PCDHGA3: variants seen among roughly 807,000 people sequenced by gnomAD.
PCDHGA3 encodes the protein protocadherin gamma subfamily A, 3.
PCDHGA3 carries 40 observed loss-of-function variants against 58.5 expected under a neutral mutation model. The ratio of observed to expected loss-of-function variants is 0.68; its 90% CI spans 0.53 to 0.89. The LOEUF is 0.89. Ranked by LOEUF, PCDHGA3 falls within the 40% of genes least tolerant of loss-of-function variation. PCDHGA3 has a pLI of 0.00. For synonymous variants in PCDHGA3, 530 were observed against 525.7 expected (o/e 1.01, Z -0.11); for missense variants, 1,223 against 1,195.9 (o/e 1.02, Z -0.33).
In PCDHGA3 at chr5:141,489,185, T is replaced by G; in HGVS notation, c.2425-5622T>G. The G allele has an allele frequency of 7.8e-7, 1 of 1,286,838 alleles. No individual in the cohort carries two copies. The highest frequency in any genetic ancestry group is 1.5e-5 in the African/African-American group (1 of 67,216). 79.7% of individuals were successfully genotyped at this position (1,286,838 alleles called of 1,614,324 possible). On this transcript the variant is annotated intron_variant, in intron 1 of 3. Transcript: ENST00000253812. The surrounding 1 kb of genome is among the most constrained non-coding windows in gnomAD (Gnocchi z 4.5). The stretch of plus-strand genomic sequence containing the variant: ...CAGCTGCTGCATTCCAAGCCCTGGG[T>G]CTACCTTGGAGACAGGACAGCACAG...
At position 141,489,876 on chromosome 5, in the gene PCDHGA3, T is replaced by C. The variant is rs2099693265; in HGVS notation, c.2425-4931T>C. ...CCCAGGCAAGACATCAGCTGGTGCT[T>C]ACTGCTGTGGATGGGGGGACCCCAG... On this transcript the variant is annotated intron_variant, in intron 1 of 3. Transcript: ENST00000253812. This position sits in a 1 kb window ranked among gnomAD's most constrained non-coding sequence, Gnocchi z 4.5. The C allele has an allele frequency of 6.2e-7, 1 of 1,614,098 alleles. No homozygotes were observed. The highest frequency in any genetic ancestry group is 1.1e-5 in the South Asian group (1 of 91,094).
At chr5:141,445,254 AAT>A (rs1214840265) in intron 1 of PCDHGA3, among the ~76,000 whole-genome samples, 49 of 152,350 alleles carry the variant, frequency 3.2e-4, no homozygotes, top group Non-Finnish European at 5.9e-5. Context: ...ATTGTGTGAG[AAT>A]ATAAGTCGAA....
chr5:141,417,721 C>A, intron 1 of PCDHGA3: 2 of 1,330,572 alleles, frequency 1.5e-6, no homozygotes, highest in Non-Finnish European at 2.0e-6. Context: ...CCCGGCTGCG[C>A]AGACCTTGCC....
chr5:141,459,486 G>A (rs764885682), intron 1 of PCDHGA3, among the ~76,000 whole-genome samples: 8 of 152,154 alleles, frequency 5.3e-5, no homozygotes, highest in Admixed American at 3.9e-4. Context: ...GTGCTATTCT[G>A]AATTAAAGTG....
At chr5:141,375,991 C>T (rs770239249) in intron 1 of PCDHGA3, 3 of 1,613,448 alleles carry the variant, frequency 1.9e-6, no homozygotes, top group Non-Finnish European at 1.7e-6. Context: ...TGGACAGAGA[C>T]GCGCTCAAGC....
intron 1 of PCDHGA3, chr5:141,370,655 C>G (rs746541169): frequency 1.9e-6 from 3 of 1,613,826 alleles, no homozygotes; most frequent in Admixed American, 3.3e-5. Flanking sequence ...TACTTGTGAG[C>G]GACCGTATAG....
Position 141,511,126 on chromosome 5 carries a change from G to A in PCDHGA3, c.2752G>A (p.Gly918Ser). The A allele has an allele frequency of 1.9e-6, 3 of 1,614,212 alleles. No individual in the cohort carries two copies. The highest frequency in any genetic ancestry group is 2.2e-5 in the South Asian group (2 of 91,086). The change falls in exon 4 of 4, where the codon GGT becomes AGT. Residue 918 changes from glycine to serine, a missense_variant. Coordinates refer to ENST00000253812, the MANE Select transcript of PCDHGA3 (RefSeq NM_018916.4). ...AGKRDGKAPA[G>S]GNGNKKKSGK... ...CAAGCGGGATGGCAAGGCCCCAGCA[G>A]GTGGCAATGGCAACAAGAAGAAGTC...
chr5:141,505,803 C>A (rs920849273), intron 3 of PCDHGA3, among the ~76,000 whole-genome samples: 2 of 152,234 alleles, frequency 1.3e-5, no homozygotes, highest in African/African-American at 4.8e-5. Flanking sequence ...GGACTTGGAT[C>A]GACTTGCTCA....
rs1055747392 is a variant in PCDHGA3 at position 141,490,298 on chromosome 5, C to G, written c.2425-4509C>G. 6.2e-7 allele frequency: 1 copy of G among 1,614,178 alleles called. No individual in the cohort carries two copies. The highest frequency in any genetic ancestry group is 1.3e-5 in the African/African-American group (1 of 75,036). On this transcript the variant is annotated intron_variant, in intron 1 of 3. Transcript: ENST00000253812. The surrounding 1 kb of genome is among the most constrained non-coding windows in gnomAD (Gnocchi z 5.4). ...GACAATGCCCCAGAGGTGCTATTGG[C>G]CTCTTTGGCCAACCCTGTCCTAGAG...
chr5:141,388,555 G>A, intron 1 of PCDHGA3: 1 of 1,613,826 alleles, frequency 6.2e-7, no homozygotes, highest in Non-Finnish European at 8.5e-7. Context: ...CCCCTAAGCA[G>A]CACTGCACAG....
At chr5:141,353,883 G>T (rs994045852) in intron 1 of PCDHGA3, among the ~76,000 whole-genome samples, 5 of 152,292 alleles carry the variant, frequency 3.3e-5, no homozygotes, top group Non-Finnish European at 7.4e-5. Flanking sequence ...AAGTCTGAGG[G>T]TTTTTAAATT....
chr5:141,487,831 A>T lies in PCDHGA3; in HGVS notation c.2425-6976A>T. 2 of 1,144,322 alleles carry T rather than the reference A, an allele frequency of 1.7e-6. No individual in the cohort carries two copies. Among genetic ancestry groups the T allele is most frequent in the Non-Finnish European group, 2.4e-6 (2 of 818,294 alleles). 70.9% of individuals were successfully genotyped at this position (1,144,322 alleles called of 1,614,324 possible). ...TTAGCATTGGGGGCGGGTCATGCCT[A>T]TATCTGAGTAAGAAATGAAAGTAAT... On this transcript the variant is annotated intron_variant, in intron 1 of 3. Transcript: ENST00000253812. The surrounding 1 kb of genome is among the most constrained non-coding windows in gnomAD (Gnocchi z 5.0).
At chr5:141,415,467 C>T (rs754252558) in intron 1 of PCDHGA3, 2 of 1,614,080 alleles carry the variant, frequency 1.2e-6, no homozygotes, top group African/African-American at 1.3e-5. Context: ...TCTCTCTCAC[C>T]GCGGACTCGC....
At chr5:141,494,362 A>T (rs527454959) in intron 1 of PCDHGA3, among the ~76,000 whole-genome samples, 47 of 152,300 alleles carry the variant, frequency 3.1e-4, no homozygotes, top group Admixed American at 8.5e-4. Context: ...GCTGCAGAGG[A>T]TGCTTTGTTC....
chr5:141,491,896 C>A lies in PCDHGA3; in HGVS notation c.2425-2911C>A. ...CGATTAAGGGATGGGGCTCCGAGCA[C>A]CGGGGGTGGTGGCGACTGTGGGCGA... On this transcript the variant is annotated intron_variant, in intron 1 of 3. Coordinates refer to ENST00000253812, the MANE Select transcript of PCDHGA3 (RefSeq NM_018916.4). This position sits in a 1 kb window ranked among gnomAD's most constrained non-coding sequence, Gnocchi z 6.9. 1 of 1,434,504 alleles carries A rather than the reference C, an allele frequency of 7.0e-7. No homozygotes were observed. Among genetic ancestry groups the A allele is most frequent in the Non-Finnish European group, 9.2e-7 (1 of 1,084,690 alleles). The allele number at this position is 1,434,504 out of a possible 1,614,324, so 88.9% of individuals were successfully genotyped here.
intron 3 of PCDHGA3, among the ~76,000 whole-genome samples, chr5:141,506,682 C>A (rs1333272766): frequency 6.6e-6 from 1 of 152,192 alleles, no homozygotes; most frequent in East Asian, 1.9e-4. Context: ...ATATTATTAT[C>A]TTTGCTGACC....
chr5:141,367,386 A>T (rs549241556), intron 1 of PCDHGA3: 1 of 152,182 alleles, frequency 6.6e-6, no homozygotes, highest in South Asian at 2.1e-4. Flanking sequence ...AAATACAAAA[A>T]ATTAGCCGGG....
chr5:141,485,106 T>C lies in PCDHGA3; in HGVS notation c.2425-9701T>C, dbSNP rs2099607051. The C allele has an allele frequency of 3.3e-6, 4 of 1,206,448 alleles. No homozygotes were observed. Among genetic ancestry groups the C allele is most frequent in the Non-Finnish European group, 4.8e-6 (4 of 828,284 alleles). 74.7% of individuals were successfully genotyped at this position (1,206,448 alleles called of 1,614,324 possible). ...GGGAGATAGGTGTCTCCAGCTGCTGTGGCTGTTTGGGGCGGGTCGGCTTCA... is the reference window on the plus strand; with the variant it reads ...GGGAGATAGGTGTCTCCAGCTGCTGCGGCTGTTTGGGGCGGGTCGGCTTCA... On this transcript the variant is annotated intron_variant, in intron 1 of 3. Coordinates refer to ENST00000253812, the MANE Select transcript of PCDHGA3 (RefSeq NM_018916.4). This position sits in a 1 kb window ranked among gnomAD's most constrained non-coding sequence, Gnocchi z 5.7.
intron 1 of PCDHGA3, chr5:141,417,885 G>T (rs761442517): frequency 3.8e-6 from 6 of 1,562,926 alleles, no homozygotes; most frequent in South Asian, 1.2e-5. Context: ...GCGCAGAGGC[G>T]CCGGGCCGGC....
Sources: gnomAD v4.1 joint callset for allele counts (sites outside exome capture counted in the v4.1 genomes callset) on GRCh38, gnomAD v4.1.1 for gene constraint, Gnocchi (gnomAD v3.1) non-coding constraint, MANE v1.5 for transcripts, NCBI Gene and HGNC (gene_info 2026-07-23, HGNC 2026-07-21) for gene names.